WDR37: variants seen among roughly 807,000 people sequenced by gnomAD.
WDR37 encodes WD repeat domain 37, also known as WD repeat-containing protein 37.
Under a neutral mutation model 62.9 loss-of-function variants are expected in WDR37, and 19 were observed. That is an observed-to-expected ratio of 0.30 (90% CI 0.21 to 0.44). WDR37 has a LOEUF of 0.44. WDR37 is among the 20% of genes least tolerant of loss of function. WDR37 has a pLI of 1.00. For missense variants in WDR37, 474 were observed against 657.6 expected, an observed-to-expected ratio of 0.72 and a Z score of 3.05; for synonymous variants, 250 against 260.9, an observed-to-expected ratio of 0.96 and a Z score of 0.40.
Position 1,105,121 on chromosome 10 carries a change from T to C in WDR37, c.962-5T>C. 6.2e-7 allele frequency: 1 copy of C among 1,613,856 alleles called. No individual in the cohort carries two copies. Among genetic ancestry groups the C allele is most frequent in the Non-Finnish European group, 8.5e-7 (1 of 1,179,768 alleles). ...TGACCTTGTGTTTTGCCATCTTGGTTACAGGGCACGACCAGGAGTTGACGC... is the reference window on the plus strand; with the variant it reads ...TGACCTTGTGTTTTGCCATCTTGGTCACAGGGCACGACCAGGAGTTGACGC... On this transcript the variant is annotated splice_region_variant and splice_polypyrimidine_tract_variant and intron_variant, in intron 10 of 13. Coordinates refer to ENST00000263150, the MANE Select transcript of WDR37 (RefSeq NM_014023.4). This position sits in a 1 kb window ranked among gnomAD's most constrained non-coding sequence, Gnocchi z 5.3.
At chr10:1,112,549 C>T (rs918016964) in intron 11 of WDR37, among the ~76,000 whole-genome samples, 8 of 152,150 alleles carry the variant, frequency 5.3e-5, no homozygotes, top group Admixed American at 4.6e-4. Context: ...GAAGATGTGT[C>T]GAAGGCAGAG....
At chr10:1,107,856 A>G (rs1835074164) in intron 11 of WDR37, among the ~76,000 whole-genome samples, 1 of 150,404 alleles carries the variant, frequency 6.6e-6, no homozygotes, top group Non-Finnish European at 1.5e-5. Context: ...ACACACGCCC[A>G]CTTCCCCTTC....
intron 5 of WDR37, among the ~76,000 whole-genome samples, chr10:1,083,551 T>G (rs546264820): frequency 6.6e-6 from 1 of 152,382 alleles, no homozygotes; most frequent in South Asian, 2.1e-4. Flanking sequence ...ATTATTCTGA[T>G]TTACTTAACA....
At chr10:1,080,538 T>G in intron 5 of WDR37, 62 bp downstream of exon 5, 1 of 1,545,928 alleles carries the variant, frequency 6.5e-7, no homozygotes, top group Non-Finnish European at 8.9e-7. Context: ...ATGTGTACTT[T>G]AAGTTGTTTA....
At chr10:1,060,686 T>C (rs1833346962) in intron 1 of WDR37, among the ~76,000 whole-genome samples, 3 of 152,150 alleles carry the variant, frequency 2.0e-5, no homozygotes, top group South Asian at 4.1e-4. Context: ...CTATAATCAG[T>C]TTATTAGTGT....
chr10:1,101,416 A>G (rs1589108080), intron 9 of WDR37, among the ~76,000 whole-genome samples: 1 of 152,076 alleles, frequency 6.6e-6, no homozygotes, highest in East Asian at 1.9e-4. Flanking sequence ...TCTTACAAGG[A>G]TGTCAGTCCT....
Position 1,061,712 on chromosome 10 carries a change from G to A in WDR37, c.-41+4744G>A, listed in dbSNP as rs985765459. Among the ~76,000 whole-genome samples, 2 of 152,050 alleles carry A rather than the reference G, an allele frequency of 1.3e-5. 1 individual carries two copies. The highest frequency in any genetic ancestry group is 2.9e-5 in the Non-Finnish European group (2 of 68,026). On this transcript the variant is annotated intron_variant, in intron 1 of 13. Transcript: ENST00000263150. ...AAATTAGCTGGGCATGGTGTTGGGT[G>A]CCTGTAATTCCAGCTACTTGGGAGG...
chr10:1,119,579 G>A (rs1835507692), intron 11 of WDR37, among the ~76,000 whole-genome samples: 1 of 152,232 alleles, frequency 6.6e-6, no homozygotes, highest in African/African-American at 2.4e-5. Flanking sequence ...AGATGTTGCA[G>A]AGGCTTCTTG....
At position 1,129,269 on chromosome 10, in the gene WDR37, T is replaced by A; in HGVS notation, c.1410T>A (p.Asn470Lys). 1.2e-6 allele frequency: 2 copies of A among 1,614,176 alleles called. No individual in the cohort carries two copies. Among genetic ancestry groups the A allele is most frequent in the Non-Finnish European group, 1.7e-6 (2 of 1,180,036 alleles). The part of the protein sequence containing the change: ...SAWSEDHPVC[N>K]LFTCGFDRQA... ...GGAGTGAAGACCACCCCGTGTGCAA[T>A]CTGTTCACCTGTGGGTTTGACCGGC... The change falls in exon 14 of 14, where the codon AAT (asparagine) becomes AAA (lysine). Residue 470 changes from asparagine (N) to lysine (K), a missense_variant. Physicochemically the swap from Asn to Lys is moderately conservative, Grantham distance 94 (BLOSUM62 0). Coordinates refer to ENST00000263150, the MANE Select transcript of WDR37 (RefSeq NM_014023.4).
intron 11 of WDR37, among the ~76,000 whole-genome samples, chr10:1,117,463 G>A (rs1835437904): frequency 6.6e-6 from 1 of 152,214 alleles, no homozygotes; most frequent in South Asian, 2.1e-4. Context: ...CATTTAAGAA[G>A]GGCTACTCAG....
chr10:1,081,373 T>C (rs925822414), intron 5 of WDR37, among the ~76,000 whole-genome samples: 9 of 152,380 alleles, frequency 5.9e-5, no homozygotes, highest in Middle Eastern at 3.4e-3. Context: ...CAAAGATAAA[T>C]TGAAATTTTC....
At chr10:1,124,093 G>C (rs1028434043) in intron 11 of WDR37, 125 bp from the exon 12 acceptor site, 39 of 1,327,034 alleles carry the variant, frequency 2.9e-5, no homozygotes, top group Middle Eastern at 2.5e-4. Flanking sequence ...AGTTTGCAGA[G>C]GAGAGAGCTG....
At chr10:1,124,691 T>C (rs1336007429) in intron 12 of WDR37, among the ~76,000 whole-genome samples, 1 of 142,480 alleles carries the variant, frequency 7.0e-6, no homozygotes, top group Non-Finnish European at 1.6e-5. Context: ...TGTGTGTGTG[T>C]GTATTGTGTG....
chr10:1,090,611 G>A (rs896260474), intron 7 of WDR37, among the ~76,000 whole-genome samples: 2 of 148,022 alleles, frequency 1.4e-5, no homozygotes, highest in African/African-American at 4.9e-5. Context: ...ATGCCCAACA[G>A]CAGACTCCCC....
intron 11 of WDR37, 70 bp from the exon 12 acceptor site, chr10:1,124,148 G>A (rs1339374382): frequency 1.0e-5 from 16 of 1,599,870 alleles, no homozygotes; most frequent in African/African-American, 1.3e-5. Context: ...CTTGGTCAGG[G>A]TTGTGTGTGG....
intron 1 of WDR37, among the ~76,000 whole-genome samples, chr10:1,068,149 C>G (rs1833610303): frequency 6.6e-6 from 1 of 152,022 alleles, no homozygotes; most frequent in Admixed American, 6.6e-5. Context: ...GGAATACATT[C>G]AGTGTTTGAC....
chr10:1,062,807 G>A (rs938374612), intron 1 of WDR37, among the ~76,000 whole-genome samples: 14 of 152,304 alleles, frequency 9.2e-5, no homozygotes, highest in African/African-American at 3.4e-4. Flanking sequence ...GTAAGAGTGG[G>A]CCGGGTGCAG....
At chr10:1,078,773 C>T (rs554056511) in intron 3 of WDR37, among the ~76,000 whole-genome samples, 1 of 152,270 alleles carries the variant, frequency 6.6e-6, no homozygotes, top group East Asian at 1.9e-4. Context: ...CCTTGGCCTC[C>T]CAAAGTGCTG....
At chr10:1,084,568 C>A in intron 6 of WDR37, 30 bp downstream of exon 6, 1 of 1,603,484 alleles carries the variant, frequency 6.2e-7, no homozygotes, top group Non-Finnish European at 8.5e-7. Flanking sequence ...GGCCAGCCTG[C>A]GGAAGCATGG....
Sources: allele counts gnomAD v4.1 joint callset (sites outside exome capture counted in the v4.1 genomes callset), GRCh38; gene constraint gnomAD v4.1.1; non-coding constraint Gnocchi (gnomAD v3.1); transcripts MANE v1.5; gene names NCBI Gene and HGNC (gene_info 2026-07-23, HGNC 2026-07-21).